EFR3A: variants seen among roughly 807,000 people sequenced by gnomAD.
EFR3A encodes protein EFR3 homolog A.
In EFR3A, 76 loss-of-function variants were observed where a neutral mutation model predicts 104.4. The ratio of observed to expected loss-of-function variants is 0.73; its 90% CI spans 0.60 to 0.88. The LOEUF is 0.88. Among genes scored for constraint, EFR3A ranks in the 40% least tolerant of loss-of-function variants. The pLI, the probability that EFR3A is intolerant of heterozygous loss-of-function variation, is 0.00. For synonymous variants in EFR3A, 330 were observed against 330.0 expected, an observed-to-expected ratio of 1.00 and a Z score of 0.00; for missense variants, 985 against 1,012.5, an observed-to-expected ratio of 0.97 and a Z score of 0.37.
intron 8 of EFR3A, among the ~76,000 whole-genome samples, chr8:131,966,103 C>A (rs1293722118): frequency 6.6e-6 from 1 of 152,090 alleles, no homozygotes; most frequent in Non-Finnish European, 1.5e-5. Context: ...GGAGATATAC[C>A]TAACGTAAAT....
intron 5 of EFR3A, among the ~76,000 whole-genome samples, chr8:131,950,545 G>A (rs768758046): frequency 2.0e-5 from 3 of 151,974 alleles, no homozygotes; most frequent in Non-Finnish European, 2.9e-5. Flanking sequence ...ACCCTCCCCA[G>A]CCACCCTTTA....
At chr8:132,003,034 C>T (rs775240204) in intron 21 of EFR3A, among the ~76,000 whole-genome samples, 7 of 151,354 alleles carry the variant, frequency 4.6e-5, no homozygotes, top group Non-Finnish European at 1.0e-4. Context: ...AACATTGAGA[C>T]GAGGAAAGGG....
intron 10 of EFR3A, among the ~76,000 whole-genome samples, chr8:131,972,411 A>C (rs1396905019): frequency 6.6e-6 from 1 of 151,754 alleles, no homozygotes. Context: ...TCTGGATGCT[A>C]ATATCTTGGA....
intron 10 of EFR3A, among the ~76,000 whole-genome samples, chr8:131,975,763 G>A (rs1457410801): frequency 6.6e-6 from 1 of 151,680 alleles, no homozygotes; most frequent in Non-Finnish European, 1.5e-5. Flanking sequence ...GTCAGTCCCG[G>A]TTTGTCACTG....
At chr8:131,953,422 T>C (rs1236486496) in intron 5 of EFR3A, among the ~76,000 whole-genome samples, 1 of 152,130 alleles carries the variant, frequency 6.6e-6, no homozygotes, top group East Asian at 1.9e-4. Context: ...GAGAGAAGTC[T>C]GAAGAAGCAT....
Position 131,987,682 on chromosome 8 carries a change from C to T in EFR3A, c.2045C>T (p.Pro682Leu), listed in dbSNP as rs969084046. The change falls in exon 18 of 23, where the codon CCG (proline) becomes CTG (leucine). Residue 682 changes from proline (P) to leucine (L), a missense_variant. Pro to Leu is a moderately conservative substitution (Grantham distance 98, BLOSUM62 -3). Coordinates refer to ENST00000254624, the MANE Select transcript of EFR3A (RefSeq NM_015137.6). Reference protein sequence around the residue: ...SGYSVERLSVPYVPQVTDEDR... With the variant: ...SGYSVERLSVLYVPQVTDEDR... ...TATAGTGTTGAGAGATTGTCAGTTC[C>T]GTATGTACCACAAGTAACAGGTAAG... The T allele has an allele frequency of 8.8e-6, 14 of 1,594,542 alleles. No homozygotes were observed. Among genetic ancestry groups the T allele is most frequent in the African/African-American group, 2.7e-5 (2 of 74,650 alleles).
At chr8:131,974,080 T>C (rs1036227138) in intron 10 of EFR3A, among the ~76,000 whole-genome samples, 42 of 152,316 alleles carry the variant, frequency 2.8e-4, no homozygotes, top group African/African-American at 9.9e-4. Flanking sequence ...TTCTTAACTT[T>C]GTTGAACGTT....
intron 10 of EFR3A, among the ~76,000 whole-genome samples, chr8:131,971,751 T>C (rs989409047): frequency 3.3e-5 from 5 of 152,196 alleles, no homozygotes; most frequent in African/African-American, 1.2e-4. Flanking sequence ...GATATGTTCT[T>C]CTCAGATTAG....
chr8:131,916,376 G>A (rs1816746593), intron 1 of EFR3A, among the ~76,000 whole-genome samples: 1 of 152,170 alleles, frequency 6.6e-6, no homozygotes, highest in African/African-American at 2.4e-5. Context: ...AGAAAGGGGA[G>A]TAAGGATTTA....
At chr8:131,927,135 C>A (rs949676733) in intron 1 of EFR3A, among the ~76,000 whole-genome samples, 1 of 152,086 alleles carries the variant, frequency 6.6e-6, no homozygotes, top group Non-Finnish European at 1.5e-5. Flanking sequence ...AAGTTATTAA[C>A]CCAAATGGTA....
intron 7 of EFR3A, 43 bp from the exon 8 acceptor site, chr8:131,959,540 GTA>G (rs1461543483): frequency 6.6e-7 from 1 of 1,503,990 alleles, no homozygotes; most frequent in African/African-American, 1.4e-5. Flanking sequence ...GAGGAAGAAA[GTA>G]TAGTAAAATA....
intron 1 of EFR3A, among the ~76,000 whole-genome samples, chr8:131,939,185 ATTC>A (rs937424966): frequency 2.2e-4 from 34 of 152,044 alleles, no homozygotes; most frequent in African/African-American, 8.2e-4. Context: ...ATTTTATTTA[ATTC>A]TTATTATTAT....
chr8:131,979,403 C>A lies in EFR3A; in HGVS notation c.1557C>A (p.Asp519Glu). 1 of 1,561,884 alleles carries A rather than the reference C, an allele frequency of 6.4e-7. No individual in the cohort carries two copies. Among genetic ancestry groups the A allele is most frequent in the Non-Finnish European group, 8.7e-7 (1 of 1,151,198 alleles). The stretch of plus-strand genomic sequence containing the variant: ...AAAGAGAAAAAATTTGCAGACAAGA[C>A]ACAAGTTTCATGAAAAAGGTAAGAC... ...KIKREKICRQ[D>E]TSFMKKNGQQ... Residue 519 changes from aspartate (D) to glutamate (E), a missense_variant, in exon 14 of 23, where the codon GAC (aspartate) becomes GAA (glutamate). By Grantham distance (45) the Asp-to-Glu change is conservative. Coordinates refer to ENST00000254624, the MANE Select transcript of EFR3A (RefSeq NM_015137.6).
intron 2 of EFR3A, among the ~76,000 whole-genome samples, chr8:131,942,114 A>G (rs1818196762): frequency 6.6e-6 from 1 of 152,070 alleles, no homozygotes. Flanking sequence ...AGTCACTTTA[A>G]CTTGTAGTCA....
intron 1 of EFR3A, among the ~76,000 whole-genome samples, chr8:131,915,958 CAG>C (rs1563810905): frequency 6.6e-6 from 1 of 152,182 alleles, no homozygotes; most frequent in African/African-American, 2.4e-5. Context: ...TGGACACCAA[CAG>C]GGGTGTCGTC....
At chr8:131,998,036 A>G (rs2130794860) in intron 19 of EFR3A, among the ~76,000 whole-genome samples, 1 of 152,176 alleles carries the variant, frequency 6.6e-6, no homozygotes, top group South Asian at 2.1e-4. Context: ...GTCCTAAGTC[A>G]AATATGCCTC....
Position 131,970,505 on chromosome 8 carries a change from C to G in EFR3A, c.1021C>G (p.Leu341Val). ...GACAGTGCTGGAAGTCTTCAATACC[C>G]TTTTGAAACATCTGCGTCTCAGCGT... Reference protein sequence around the residue: ...GPTVLEVFNTLLKHLRLSVEF... With the variant: ...GPTVLEVFNTVLKHLRLSVEF... Residue 341 changes from leucine to valine, a missense_variant, in exon 10 of 23, where the codon CTT becomes GTT. Coordinates refer to ENST00000254624, the MANE Select transcript of EFR3A (RefSeq NM_015137.6). 3.7e-6 allele frequency: 6 copies of G among 1,613,846 alleles called. No individual in the cohort carries two copies. Among genetic ancestry groups the G allele is most frequent in the Non-Finnish European group, 5.1e-6 (6 of 1,179,806 alleles).
At chr8:131,931,279 C>T (rs1472638881) in intron 1 of EFR3A, among the ~76,000 whole-genome samples, 1 of 151,956 alleles carries the variant, frequency 6.6e-6, no homozygotes, top group Non-Finnish European at 1.5e-5. Context: ...TCCAAGGCAA[C>T]CTTGTACAAT....
chr8:131,945,205 C>T (rs1187479186), intron 3 of EFR3A, among the ~76,000 whole-genome samples: 2 of 151,730 alleles, frequency 1.3e-5, no homozygotes, highest in African/African-American at 2.4e-5. Flanking sequence ...AAATCAGTCT[C>T]TAAATTGAAA....
Sources: gnomAD v4.1 joint callset for allele counts (sites outside exome capture counted in the v4.1 genomes callset) on GRCh38, gnomAD v4.1.1 for gene constraint, MANE v1.5 for transcripts, NCBI Gene and HGNC (gene_info 2026-07-23, HGNC 2026-07-21) for gene names.